Variants in GPC5 observed in about 807,000 individuals in gnomAD.
GPC5 encodes glypican 5.
Under a neutral mutation model 53.9 loss-of-function variants are expected in GPC5, and 47 were observed. The observed-to-expected ratio is 0.87, with a 90% CI of 0.69 to 1.11. The LOEUF (loss-of-function observed/expected upper bound fraction) is 1.11, where lower values mean the gene tolerates loss of function less well. Ranked by LOEUF, GPC5 falls within the 50% of genes most tolerant of loss-of-function variation. The probability of loss-of-function intolerance (pLI) is 0.00; values close to 1 mark genes in which losing one functional copy is unlikely to be tolerated. For synonymous variants in GPC5, 286 were observed against 263.3 expected (o/e 1.09, Z -0.84); for missense variants, 748 against 713.1 (o/e 1.05, Z -0.56).
intron 7 of GPC5, among the ~76,000 whole-genome samples, chr13:92,535,542 A>G (rs1266253014): frequency 1.3e-5 from 2 of 152,084 alleles, no homozygotes; most frequent in Admixed American, 6.6e-5. Flanking sequence ...CATTGGAGGC[A>G]GTGATTTGGT....
chr13:91,661,333 C>T (rs150157422), intron 2 of GPC5, among the ~76,000 whole-genome samples: 6 of 152,276 alleles, frequency 3.9e-5, no homozygotes, highest in South Asian at 2.1e-4. Context: ...GCCAGATGTT[C>T]GATACCTGGT....
intron 7 of GPC5, among the ~76,000 whole-genome samples, chr13:92,489,503 G>T (rs1034596823): frequency 3.3e-5 from 5 of 152,086 alleles, no homozygotes; most frequent in African/African-American, 1.2e-4. Context: ...TGCTGATGTT[G>T]TTATTTTAGT....
intron 7 of GPC5, among the ~76,000 whole-genome samples, chr13:92,325,581 G>A (rs1302800985): frequency 6.6e-6 from 1 of 152,010 alleles, no homozygotes; most frequent in Non-Finnish European, 1.5e-5. Context: ...GGTAATGGGA[G>A]GAAGCATAGG....
intron 7 of GPC5, among the ~76,000 whole-genome samples, chr13:92,226,859 C>T (rs2042490606): frequency 6.6e-6 from 1 of 152,070 alleles, no homozygotes; most frequent in Non-Finnish European, 1.5e-5. Flanking sequence ...CTCAGCCTCC[C>T]AAAGTCCTGC....
chr13:91,584,934 C>A (rs2032505800), intron 2 of GPC5, among the ~76,000 whole-genome samples: 1 of 152,072 alleles, frequency 6.6e-6, no homozygotes, highest in Non-Finnish European at 1.5e-5. Context: ...AGGTAAATCA[C>A]AAATAGGAGT....
At chr13:92,263,638 C>T (rs955682349) in intron 7 of GPC5, among the ~76,000 whole-genome samples, 2 of 152,036 alleles carry the variant, frequency 1.3e-5, no homozygotes, top group Admixed American at 6.6e-5. Flanking sequence ...CAAATATTAG[C>T]TGTGTTATAC....
chr13:91,964,687 C>G (rs1021695687), intron 6 of GPC5, among the ~76,000 whole-genome samples: 1 of 152,104 alleles, frequency 6.6e-6, no homozygotes, highest in Non-Finnish European at 1.5e-5. Flanking sequence ...ACCCAAAAGC[C>G]CAGCCAGCTT....
chr13:92,150,602 G>T (rs1223700275), intron 7 of GPC5, among the ~76,000 whole-genome samples: 1 of 151,918 alleles, frequency 6.6e-6, no homozygotes, highest in African/African-American at 2.4e-5. Flanking sequence ...GAAAAGTTAT[G>T]TATTAATATA....
At chr13:91,647,556 C>T (rs1384218163) in intron 2 of GPC5, among the ~76,000 whole-genome samples, 1 of 152,192 alleles carries the variant, frequency 6.6e-6, no homozygotes, top group African/African-American at 2.4e-5. Flanking sequence ...TGCCCCCTGT[C>T]GGGCATCTGT....
chr13:91,623,853 G>A (rs1447572853), intron 2 of GPC5, among the ~76,000 whole-genome samples: 1 of 152,068 alleles, frequency 6.6e-6, no homozygotes, highest in Non-Finnish European at 1.5e-5. Context: ...GGACGTAAGA[G>A]TATTATAAAG....
chr13:92,107,098 T>C (rs1257368273), intron 6 of GPC5, among the ~76,000 whole-genome samples: 5 of 152,102 alleles, frequency 3.3e-5, no homozygotes, highest in Non-Finnish European at 7.4e-5. Flanking sequence ...TTTTCTCACT[T>C]TTATAAGTTT....
intron 7 of GPC5, among the ~76,000 whole-genome samples, chr13:92,652,173 G>A (rs548193806): frequency 2.0e-5 from 3 of 152,112 alleles, no homozygotes; most frequent in Middle Eastern, 6.8e-3. Flanking sequence ...ACATATATTT[G>A]CAGATACTTA....
chr13:91,535,754 G>A (rs1427240652), intron 2 of GPC5, among the ~76,000 whole-genome samples: 5 of 152,088 alleles, frequency 3.3e-5, no homozygotes. Flanking sequence ...AGGGTAACAG[G>A]GAGATCCCAC....
chr13:92,696,779 A>G (rs1221538276), intron 7 of GPC5, among the ~76,000 whole-genome samples: 1 of 152,132 alleles, frequency 6.6e-6, no homozygotes, highest in African/African-American at 2.4e-5. Flanking sequence ...GCCCATGCCT[A>G]CATCTTGAAT....
In GPC5 at chr13:92,184,193, A is replaced by G. The variant is rs568496164; in HGVS notation, c.1561+39204A>G. ...AGGCTTCCAGTATGAGATACCATAT[A>G]ATGATCATGTTAGCTTGTTCTAAAA... On this transcript the variant is annotated intron_variant, in intron 7 of 7. Transcript: ENST00000377067. Among the ~76,000 whole-genome samples the G allele has an allele frequency of 5.3e-5, 8 of 152,238 alleles. No individual in the cohort carries two copies. The South Asian group carries it at 1.7e-3, about 32-fold the overall frequency.
chr13:92,040,063 A>G (rs1465111455), intron 6 of GPC5, among the ~76,000 whole-genome samples: 1 of 152,198 alleles, frequency 6.6e-6, no homozygotes, highest in Non-Finnish European at 1.5e-5. Flanking sequence ...GACAAAAACA[A>G]TGAGGATGTT....
chr13:91,409,520 A>G lies in GPC5; in HGVS notation c.163+10311A>G, dbSNP rs1159647114. ...TTTTAAAATATTTCCTATTCAATTC[A>G]TCTTTGGAAATATCTTACATAAGGA... On this transcript the variant is annotated intron_variant, in intron 1 of 7. Coordinates refer to ENST00000377067, the MANE Select transcript of GPC5 (RefSeq NM_004466.6). Among the ~76,000 whole-genome samples, 27 of 152,244 alleles carry G rather than the reference A, an allele frequency of 1.8e-4. 1 individual carries two copies. Among genetic ancestry groups the G allele is most frequent in the Admixed American group, 1.8e-3 (27 of 15,284 alleles).
rs1183262302 is a variant in GPC5 at position 92,797,844 on chromosome 13, G to GATAC, written c.1562-68435_1562-68434insCATA. 2.6e-5 allele frequency among the ~76,000 whole-genome samples: 4 copies of GATAC among 151,390 alleles called. No individual in the cohort carries two copies. In the East Asian group the frequency reaches 7.8e-4, roughly 29 times the overall value. ...TGATAGATAGATAGATAGATAGATAGATAGATAGATAGATAGATAGATAGA... is the reference window on the plus strand; with the variant it reads ...TGATAGATAGATAGATAGATAGATAGATACATAGATAGATAGATAGATAGATAGA... On this transcript the variant is annotated intron_variant, in intron 7 of 7. Transcript: ENST00000377067.
chr13:91,682,322 A>T (rs188982219), intron 2 of GPC5, among the ~76,000 whole-genome samples: 1 of 152,214 alleles, frequency 6.6e-6, no homozygotes, highest in Non-Finnish European at 1.5e-5. Context: ...TGGCAAGTAC[A>T]TGGCAAAAGT....
Sources: gnomAD v4.1 joint callset for allele counts (sites outside exome capture counted in the v4.1 genomes callset) on GRCh38, gnomAD v4.1.1 for gene constraint, MANE v1.5 for transcripts, NCBI Gene and HGNC (gene_info 2026-07-23, HGNC 2026-07-21) for gene names.